Variants in KIF1B observed in about 807,000 individuals in gnomAD.
The protein encoded by KIF1B is kinesin-like protein KIF1B.
Under a neutral mutation model 241.9 loss-of-function variants are expected in KIF1B, and 76 were observed. The observed-to-expected ratio is 0.31, with a 90% CI of 0.26 to 0.38. KIF1B has a LOEUF of 0.38. KIF1B is among the 10% of genes least tolerant of loss of function. KIF1B has a pLI of 1.00. For missense variants in KIF1B, 1,622 were observed against 2,271.4 expected (o/e 0.71, Z 5.81); for synonymous variants, 750 against 796.7 (o/e 0.94, Z 0.99).
At chr1:10,241,914 G>C (rs541689628) in intron 2 of KIF1B, among the ~76,000 whole-genome samples, 1 of 152,188 alleles carries the variant, frequency 6.6e-6, no homozygotes, top group Non-Finnish European at 1.5e-5. Flanking sequence ...CAGTTCACAA[G>C]ACCGTGAAAG....
At chr1:10,236,724 A>G (rs1156399531) in intron 2 of KIF1B, among the ~76,000 whole-genome samples, 2 of 152,004 alleles carry the variant, frequency 1.3e-5, no homozygotes, top group African/African-American at 4.8e-5. Context: ...TCAGCCTTCT[A>G]TGGCAATTTC....
At chr1:10,353,777 G>A (rs918346078) in intron 38 of KIF1B, among the ~76,000 whole-genome samples, 1 of 152,194 alleles carries the variant, frequency 6.6e-6, no homozygotes, top group African/African-American at 2.4e-5. Context: ...GGAGAAAGAG[G>A]GAAGGAGTGA....
At chr1:10,324,724 T>C in intron 25 of KIF1B, 34 bp from the exon 26 acceptor site, 1 of 1,612,568 alleles carries the variant, frequency 6.2e-7, no homozygotes, top group Non-Finnish European at 8.5e-7. Flanking sequence ...AATCTCATTA[T>C]ATTAACCCAA....
At position 10,261,937 on chromosome 1, in the gene KIF1B, C is replaced by G. The variant is rs957115598; in HGVS notation, c.396C>G (p.Asp132Glu). The G allele has an allele frequency of 6.2e-7, 1 of 1,611,972 alleles. No individual in the cohort carries two copies. The highest frequency in any genetic ancestry group is 8.5e-7 in the Non-Finnish European group (1 of 1,178,178). Reference protein sequence around the residue: ...LCEELFEKINDNCNEEMSYSV... With the variant: ...LCEELFEKINENCNEEMSYSV... ...AAGAACTTTTTGAGAAAATCAATGA[C>G]AACTGTAATGAAGAAATGTCTTACT... The change falls in exon 5 of 49, where the codon GAC (aspartate) becomes GAG (glutamate). Residue 132 changes from aspartate to glutamate, a missense_variant. Asp to Glu is a conservative substitution (Grantham distance 45). This residue lies in a region of KIF1B where 156 missense variants were observed against 244.8 expected (regional missense o/e 0.64). Transcript: ENST00000676179.
chr1:10,284,794 G>A (rs944536104), intron 15 of KIF1B, among the ~76,000 whole-genome samples: 1 of 152,034 alleles, frequency 6.6e-6, no homozygotes, highest in Non-Finnish European at 1.5e-5. Flanking sequence ...CCCAGGAGGC[G>A]GAGGTTACAG....
At chr1:10,223,672 G>A (rs570472158) in intron 1 of KIF1B, among the ~76,000 whole-genome samples, 64 of 150,660 alleles carry the variant, frequency 4.2e-4, no homozygotes, top group Non-Finnish European at 7.4e-4. Flanking sequence ...TCAGCTTCCC[G>A]AGTAGCTAGG....
chr1:10,257,229 A>ATT (rs568511030), intron 3 of KIF1B, among the ~76,000 whole-genome samples: 1 of 142,048 alleles, frequency 7.0e-6, no homozygotes. Context: ...TGCCTGGCCA[A>ATT]TTTTTTTTTT....
rs755222148 is a variant in KIF1B at position 10,343,297 on chromosome 1, C to T, written c.3688+10C>T. 1.2e-5 allele frequency: 19 copies of T among 1,613,652 alleles called. No homozygotes were observed. The highest frequency in any genetic ancestry group is 1.1e-4 in the African/African-American group (8 of 74,946). ...CCACTGTCCAAGCCAGGTGAGCACT[C>T]GCTCCGCTTTTTGCATGATGATCTC... On this transcript the variant is annotated intron_variant, in intron 34 of 48. Transcript: ENST00000676179.
At chr1:10,371,400 G>A in intron 45 of KIF1B, 138 bp downstream of exon 45, 1 of 991,794 alleles carries the variant, frequency 1.0e-6, no homozygotes, top group Non-Finnish European at 1.5e-6. Flanking sequence ...GAGCCTTTTT[G>A]GCTATCACAG....
intron 5 of KIF1B, among the ~76,000 whole-genome samples, chr1:10,265,122 A>G (rs1049036419): frequency 6.6e-6 from 1 of 151,708 alleles, no homozygotes; most frequent in East Asian, 1.9e-4. Context: ...CATGTGCCAC[A>G]GTGTGTGGCT....
intron 28 of KIF1B, 126 bp downstream of exon 28, chr1:10,334,764 A>G: frequency 1.3e-6 from 1 of 749,554 alleles, no homozygotes; most frequent in South Asian, 1.4e-5. Context: ...TGTAATATAC[A>G]GACACATACT....
intron 32 of KIF1B, among the ~76,000 whole-genome samples, chr1:10,341,015 A>G (rs1172525923): frequency 6.6e-6 from 1 of 152,264 alleles, no homozygotes. Flanking sequence ...ATGTTGGTAT[A>G]AATATAAGCA....
At chr1:10,356,761 G>A (rs1356884962) in intron 38 of KIF1B, among the ~76,000 whole-genome samples, 8 of 151,804 alleles carry the variant, frequency 5.3e-5, no homozygotes, top group South Asian at 2.1e-4. Flanking sequence ...TTAGCTGGGC[G>A]TGGTAGCATG....
chr1:10,215,172 A>ATATATATATATAT (rs1377684765), intron 1 of KIF1B, among the ~76,000 whole-genome samples: 1 of 45,352 alleles, frequency 2.2e-5, no homozygotes, highest in African/African-American at 1.0e-4. Context: ...ATATATATAT[A>ATATATATATATAT]TTTTTTTTTT....
At chr1:10,227,411 A>G (rs1200358218) in intron 1 of KIF1B, among the ~76,000 whole-genome samples, 1 of 152,032 alleles carries the variant, frequency 6.6e-6, no homozygotes, top group Non-Finnish European at 1.5e-5. Context: ...TATTCTGTAG[A>G]TTGTTTCATA....
At position 10,346,071 on chromosome 1, in the gene KIF1B, G is replaced by A. The variant is rs1015269430; in HGVS notation, c.3797+118G>A. The A allele has an allele frequency of 1.5e-5, 12 of 784,824 alleles. No homozygotes were observed. In the South Asian group the frequency reaches 1.8e-4, roughly 12 times the overall value. 48.6% of individuals were successfully genotyped at this position (784,824 alleles called of 1,614,324 possible). A position where few individuals can be genotyped will look rare whatever the true frequency, so the allele number is the denominator to read the frequency against. On this transcript the variant is annotated intron_variant, in intron 35 of 48. Transcript: ENST00000676179. ...ATTGTCACTGTCAAATTCCAGGGAT[G>A]GTTTTGTTTTTGTTTTTGTTTTAAT...
chr1:10,270,397 A>T (rs183595424), intron 7 of KIF1B, among the ~76,000 whole-genome samples: 4 of 152,176 alleles, frequency 2.6e-5, no homozygotes, highest in African/African-American at 9.7e-5. Flanking sequence ...AGATTCATCT[A>T]TGTTGTTGTG....
chr1:10,233,119 C>T (rs1254391151), intron 2 of KIF1B, among the ~76,000 whole-genome samples: 2 of 152,170 alleles, frequency 1.3e-5, no homozygotes, highest in Non-Finnish European at 2.9e-5. Context: ...TGCTGAAGTA[C>T]ACATTCTAAC....
intron 27 of KIF1B, among the ~76,000 whole-genome samples, chr1:10,328,819 G>A (rs550317789): frequency 4.0e-4 from 61 of 152,358 alleles, no homozygotes; most frequent in African/African-American, 1.4e-3. Flanking sequence ...GCAACTTAAA[G>A]TGAAGCCTTT....
Sources: allele counts gnomAD v4.1 joint callset (sites outside exome capture counted in the v4.1 genomes callset), GRCh38; gene constraint gnomAD v4.1.1; regional missense constraint gnomAD v4.1.1; transcripts MANE v1.5; gene names NCBI Gene and HGNC (gene_info 2026-07-23, HGNC 2026-07-21).